DDI2: variants seen among roughly 807,000 people sequenced by gnomAD.
DDI2 encodes protein DDI1 homolog 2.
A neutral mutation model predicts 48.1 loss-of-function variants in DDI2; 5 were observed. The ratio of observed to expected loss-of-function variants is 0.10; its 90% CI spans 0.05 to 0.22. The LOEUF is 0.22. Ranked by LOEUF, DDI2 falls within the 10% of genes least tolerant of loss-of-function variation. DDI2 has a pLI of 1.00. For synonymous variants in DDI2, 205 were observed against 183.6 expected (o/e 1.12, Z -0.94); for missense variants, 285 against 506.2 (o/e 0.56, Z 4.19).
At chr1:15,632,927 TTTTTAAA>T (rs1011415529) in intron 3 of DDI2, among the ~76,000 whole-genome samples, 2 of 121,710 alleles carry the variant, frequency 1.6e-5, no homozygotes, top group African/African-American at 6.6e-5. Flanking sequence ...TTTTTTTTTT[TTTTTAAA>T]AAAAAAAAAA....
At chr1:15,659,635 AC>A (rs1640328402) in intron 9 of DDI2, among the ~76,000 whole-genome samples, 1 of 152,214 alleles carries the variant, frequency 6.6e-6, no homozygotes, top group South Asian at 2.1e-4. Context: ...TTTATTAAGA[AC>A]ATGTCTACCT....
chr1:15,617,987 C>T (rs1639590431), intron 1 of DDI2, among the ~76,000 whole-genome samples, 179 bp downstream of exon 1: 3 of 152,348 alleles, frequency 2.0e-5, no homozygotes, highest in Middle Eastern at 3.4e-3. Context: ...GCTGCCCTCA[C>T]ACACTCCGAG....
chr1:15,619,130 T>C (rs1362910253), intron 1 of DDI2, among the ~76,000 whole-genome samples: 1 of 152,198 alleles, frequency 6.6e-6, no homozygotes, highest in Non-Finnish European at 1.5e-5. Flanking sequence ...TTTTTTTGTT[T>C]TTGTTTTTGA....
At chr1:15,647,878 C>T (rs767115933) in intron 6 of DDI2, among the ~76,000 whole-genome samples, 3 of 152,118 alleles carry the variant, frequency 2.0e-5, no homozygotes, top group African/African-American at 7.2e-5. Flanking sequence ...GTGAGAGGAT[C>T]ACTTGAACCC....
rs982739106 is a variant in DDI2, at chr1:15,662,580, T to C, written c.*2790T>C. The C allele has an allele frequency of 6.6e-6, 1 of 152,240 alleles. No individual in the cohort carries two copies. 9.4% of individuals were successfully genotyped at this position (152,240 alleles called of 1,614,324 possible). ...GGAATTTGCTAGAGTTTGGGTTTGC[T>C]AGCATCTCACTGATAACACCTCAAC... On this transcript the variant is annotated 3_prime_UTR_variant, in exon 10 of 10. Coordinates refer to ENST00000480945, the MANE Select transcript of DDI2 (RefSeq NM_032341.5).
At chr1:15,657,742 A>G (rs1013399425) in intron 9 of DDI2, among the ~76,000 whole-genome samples, 2 of 152,152 alleles carry the variant, frequency 1.3e-5, no homozygotes, top group Non-Finnish European at 2.9e-5. Context: ...TCAAAATTCA[A>G]CCTCTTCCAG....
At chr1:15,625,703 T>G (rs1399821738) in intron 1 of DDI2, among the ~76,000 whole-genome samples, 1 of 152,102 alleles carries the variant, frequency 6.6e-6, no homozygotes, top group Non-Finnish European at 1.5e-5. Flanking sequence ...CCTGCAACCT[T>G]TGCCTCCCGG....
At chr1:15,627,757 G>A (rs533637369) in intron 2 of DDI2, among the ~76,000 whole-genome samples, 11 of 152,266 alleles carry the variant, frequency 7.2e-5, no homozygotes, top group African/African-American at 2.2e-4. Context: ...TGTTTAGCCT[G>A]TAGGTCACCA....
At position 15,666,671 on chromosome 1, in the gene DDI2, A is replaced by G. The variant is rs981640006; in HGVS notation, c.*6881A>G. 1 of 152,232 alleles carries G rather than the reference A, an allele frequency of 6.6e-6. No individual in the cohort carries two copies. The highest frequency in any genetic ancestry group is 2.4e-5 in the African/African-American group (1 of 41,468). The allele number at this position is 152,232 out of a possible 1,614,324, so 9.4% of individuals were successfully genotyped here. On this transcript the variant is annotated 3_prime_UTR_variant, in exon 10 of 10. Transcript: ENST00000480945. Reference sequence around the variant, plus strand: ...AATACTGAGTGCCTGTGTGCCAGGCACAGGTGAACTCTGGGGATTCAGGGG... The same window carrying G: ...AATACTGAGTGCCTGTGTGCCAGGCGCAGGTGAACTCTGGGGATTCAGGGG...
Position 15,667,181 on chromosome 1 carries a change from T to C in DDI2, c.*7391T>C, listed in dbSNP as rs1022148362. 6.7e-6 allele frequency: 1 copy of C among 148,956 alleles called. No homozygotes were observed. The highest frequency in any genetic ancestry group is 1.5e-5 in the Non-Finnish European group (1 of 67,712). 9.2% of individuals were successfully genotyped at this position (148,956 alleles called of 1,614,324 possible). On this transcript the variant is annotated 3_prime_UTR_variant, in exon 10 of 10. Transcript: ENST00000480945. Reference sequence around the variant, plus strand: ...GGGATCACGTCACTGTACTCCAGCCTGGGCAAGAGTGAGACACCGTCTCAA... The same window carrying C: ...GGGATCACGTCACTGTACTCCAGCCCGGGCAAGAGTGAGACACCGTCTCAA...
intron 6 of DDI2, among the ~76,000 whole-genome samples, chr1:15,648,122 G>A (rs1640119684): frequency 6.6e-6 from 1 of 152,092 alleles, no homozygotes; most frequent in East Asian, 1.9e-4. Flanking sequence ...ATTGATTTGT[G>A]TAGGATAAAG....
At position 15,661,098 on chromosome 1, in the gene DDI2, G is replaced by A. The variant is rs1640366767; in HGVS notation, c.*1308G>A. ...ATGAGCATCTTACCCAGAATGAACA[G>A]TGTCCACAAGTCTCCTTTCATCAGG... On this transcript the variant is annotated 3_prime_UTR_variant, in exon 10 of 10. Coordinates refer to ENST00000480945, the MANE Select transcript of DDI2 (RefSeq NM_032341.5). The A allele has an allele frequency of 1.2e-6, 2 of 1,613,850 alleles. No homozygotes were observed. The highest frequency in any genetic ancestry group is 2.2e-5 in the South Asian group (2 of 91,024).
chr1:15,643,583 G>A lies in DDI2; in HGVS notation c.822G>A (p.Val274=), dbSNP rs1157499212. The A allele has an allele frequency of 4.3e-6, 7 of 1,614,048 alleles. No individual in the cohort carries two copies. The highest frequency in any genetic ancestry group is 5.9e-6 in the Non-Finnish European group (7 of 1,180,036). ...CAERCNIMRL[V]DRRWAGIAKG... ...AAAGGTGTAACATAATGAGACTGGTGGACCGTCGGTGGGCAGGGATTGCCA... is the reference window on the plus strand; with the variant it reads ...AAAGGTGTAACATAATGAGACTGGTAGACCGTCGGTGGGCAGGGATTGCCA... The change falls in exon 6 of 10, where the codon GTG becomes GTA. Residue 274 remains valine (V), a synonymous_variant. Coordinates refer to ENST00000480945, the MANE Select transcript of DDI2 (RefSeq NM_032341.5).
intron 7 of DDI2, among the ~76,000 whole-genome samples, chr1:15,650,147 G>A (rs191876733): frequency 2.6e-5 from 4 of 152,294 alleles, no homozygotes; most frequent in East Asian, 3.9e-4. Flanking sequence ...ACTAAAAAGT[G>A]TGAGTCAAGT....
At chr1:15,642,059 C>G (rs1640019275) in intron 5 of DDI2, among the ~76,000 whole-genome samples, 1 of 151,310 alleles carries the variant, frequency 6.6e-6, no homozygotes. Context: ...GGAGAAGAGT[C>G]AAAAGTGAAC....
At position 15,659,836 on chromosome 1, in the gene DDI2, G is replaced by C; in HGVS notation, c.*47-1G>C. 1.3e-6 allele frequency: 2 copies of C among 1,526,394 alleles called. No homozygotes were observed. Among genetic ancestry groups the C allele is most frequent in the Non-Finnish European group, 1.7e-6 (2 of 1,143,850 alleles). 94.6% of individuals were successfully genotyped at this position (1,526,394 alleles called of 1,614,324 possible). On this transcript the variant is annotated splice_acceptor_variant, in intron 9 of 9. Coordinates refer to ENST00000480945, the MANE Select transcript of DDI2 (RefSeq NM_032341.5). LOFTEE classifies it low-confidence loss of function (3UTR_SPLICE). ...TTTCCTTTCCCCTGTGTTCCATATA[G>C]AGAAAAGTGGTAAAGAATCTACCTC... is the stretch of plus-strand genomic sequence containing the variant.
intron 3 of DDI2, among the ~76,000 whole-genome samples, chr1:15,630,775 C>T (rs1215505750): frequency 6.6e-6 from 1 of 152,142 alleles, no homozygotes; most frequent in Non-Finnish European, 1.5e-5. Flanking sequence ...TAGGCCACCC[C>T]CCTTGGTTTA....
rs1049342920 is a variant in DDI2 at position 15,663,414 on chromosome 1, CTT to C, written c.*3626_*3627del. The C allele has an allele frequency of 6.6e-6, 1 of 152,186 alleles. No homozygotes were observed. Among genetic ancestry groups the C allele is most frequent in the African/African-American group, 2.4e-5 (1 of 41,436 alleles). The allele number at this position is 152,186 out of a possible 1,614,324, so 9.4% of individuals were successfully genotyped here. On this transcript the variant is annotated 3_prime_UTR_variant, in exon 10 of 10. Transcript: ENST00000480945. ...TGATGTTTGTATGTATGTTATAAGA[CTT>C]TAGTGATGGGATGGCGTGTCACGTA... is the stretch of plus-strand genomic sequence containing the variant.
chr1:15,658,087 T>G (rs1640298028), intron 9 of DDI2, among the ~76,000 whole-genome samples: 1 of 152,210 alleles, frequency 6.6e-6, no homozygotes. Context: ...GTTGCATCTG[T>G]CCTAATAATA....
Sources: allele counts gnomAD v4.1 joint callset (sites outside exome capture counted in the v4.1 genomes callset), GRCh38; gene constraint gnomAD v4.1.1; transcripts MANE v1.5; gene names NCBI Gene and HGNC (gene_info 2026-07-23, HGNC 2026-07-21).